The following PPP6R2 variants were observed in gnomAD, a reference collection of about 807,000 sequenced individuals.
PPP6R2 encodes protein phosphatase 6 regulatory subunit 2, also known as serine/threonine-protein phosphatase 6 regulatory subunit 2.
Under a neutral mutation model 100.2 loss-of-function variants are expected in PPP6R2, and 62 were observed. The ratio of observed to expected loss-of-function variants is 0.62; its 90% CI spans 0.50 to 0.76. PPP6R2 has a LOEUF of 0.76. PPP6R2 is among the 30% of genes least tolerant of loss of function. PPP6R2 has a pLI of 0.00. For missense variants in PPP6R2, 1,142 were observed against 1,276.3 expected (o/e 0.89, Z 1.60); for synonymous variants, 525 against 514.7 (o/e 1.02, Z -0.27).
the PPP6R2 span, among the ~76,000 whole-genome samples, chr22:50,332,708 C>T: frequency 2.1e-3 from 312 of 151,466 alleles, 2 homozygotes; most frequent in African/African-American, 7.4e-3. Context: ...ACTGCAGCCT[C>T]CACCTCTTGG....
chr22:50,362,475 G>A (rs933443679), intron 1 of PPP6R2, among the ~76,000 whole-genome samples: 9 of 152,142 alleles, frequency 5.9e-5, no homozygotes, highest in Admixed American at 2.0e-4. Flanking sequence ...TTCTCAGCCC[G>A]TCGCTGAGTC....
At chr22:50,360,773 A>T (rs2047636479) in intron 1 of PPP6R2, among the ~76,000 whole-genome samples, 1 of 152,070 alleles carries the variant, frequency 6.6e-6, no homozygotes. Context: ...TGAGCCAGGG[A>T]GCTGACCTGT....
At chr22:50,433,216 TGGA>T (rs1271257970) in intron 12 of PPP6R2, among the ~76,000 whole-genome samples, 1 of 150,480 alleles carries the variant, frequency 6.6e-6, no homozygotes, top group Non-Finnish European at 1.5e-5. Flanking sequence ...GAGGTGAACC[TGGA>T]GGAGGGCAGG....
At chr22:50,375,942 G>C (rs1009458614) in intron 2 of PPP6R2, among the ~76,000 whole-genome samples, 6 of 146,294 alleles carry the variant, frequency 4.1e-5, no homozygotes, top group African/African-American at 1.5e-4. Context: ...CCAGGTTGAA[G>C]CGATTCTCCT....
At chr22:50,430,844 A>T (rs1353520654) in intron 10 of PPP6R2, among the ~76,000 whole-genome samples, 1 of 146,492 alleles carries the variant, frequency 6.8e-6, no homozygotes, top group African/African-American at 2.5e-5. Flanking sequence ...ACTGCACTCT[A>T]GCCTGGGAGA....
At chr22:50,382,402 G>T (rs1024999682) in intron 2 of PPP6R2, among the ~76,000 whole-genome samples, 40 of 151,714 alleles carry the variant, frequency 2.6e-4, no homozygotes, top group East Asian at 7.7e-4. Flanking sequence ...TTCGAGACCA[G>T]CCTGACTAAC....
Position 50,438,234 on chromosome 22 carries a change from G to A in PPP6R2, c.1900G>A (p.Glu634Lys). The A allele has an allele frequency of 1.2e-6, 2 of 1,613,950 alleles. No individual in the cohort carries two copies. The highest frequency in any genetic ancestry group is 1.7e-6 in the Non-Finnish European group (2 of 1,179,980). Residue 634 changes from glutamate to lysine, a missense_variant, in exon 18 of 24, where the codon GAG (glutamate) becomes AAG (lysine). Coordinates refer to ENST00000612753, the MANE Select transcript of PPP6R2 (RefSeq NM_001242898.2). ...CCGCATCCAGCCCTTTGATGATGAT[G>A]AGGACGAGGACATCTGGGAGGACAG... ...SDRIQPFDDD[E>K]DEDIWEDSDT...
chr22:50,392,110 A>G (rs921486103), intron 2 of PPP6R2: 14 of 152,102 alleles, frequency 9.2e-5, no homozygotes, highest in African/African-American at 3.4e-4. Flanking sequence ...TTTAGGAATC[A>G]TTATTTCTGG....
chr22:50,337,238 GGTGT>G, the PPP6R2 span, among the ~76,000 whole-genome samples: 2 of 134,222 alleles, frequency 1.5e-5, no homozygotes, highest in Non-Finnish European at 3.1e-5. Context: ...GTGGTGTATT[GGTGT>G]GTGTGTGTGG....
chr22:50,393,813 C>T, intron 2 of PPP6R2, 80 bp from the exon 3 acceptor site: 1 of 1,577,224 alleles, frequency 6.3e-7, no homozygotes, highest in Non-Finnish European at 8.6e-7. Context: ...AGAGAAATGA[C>T]CCCTTTGGAC....
At chr22:50,399,186 G>T (rs1020575250) in intron 3 of PPP6R2, among the ~76,000 whole-genome samples, 1 of 152,196 alleles carries the variant, frequency 6.6e-6, no homozygotes, top group African/African-American at 2.4e-5. Context: ...GACACAGCAA[G>T]ACTGTCATCT....
intron 1 of PPP6R2, among the ~76,000 whole-genome samples, chr22:50,368,109 A>T (rs1413286034): frequency 6.6e-6 from 1 of 152,268 alleles, no homozygotes; most frequent in East Asian, 1.9e-4. Flanking sequence ...TAATTCTGCT[A>T]CTGCTATCTA....
chr22:50,357,112 C>G (rs528692876), intron 1 of PPP6R2, among the ~76,000 whole-genome samples: 3 of 152,170 alleles, frequency 2.0e-5, no homozygotes, highest in African/African-American at 7.2e-5. Context: ...TTGAGTTTGT[C>G]TGATGAATTA....
At chr22:50,377,309 G>C (rs560642000) in intron 2 of PPP6R2, among the ~76,000 whole-genome samples, 1 of 152,164 alleles carries the variant, frequency 6.6e-6, no homozygotes, top group Non-Finnish European at 1.5e-5. Flanking sequence ...TTTAAAATTA[G>C]CCAGGCGTGG....
At chr22:50,437,285 G>A (rs538500179) in intron 15 of PPP6R2, among the ~76,000 whole-genome samples, 98 of 152,372 alleles carry the variant, frequency 6.4e-4, no homozygotes, top group African/African-American at 2.2e-3. Flanking sequence ...GGACTCGAAA[G>A]TCAGAGAATA....
chr22:50,377,928 C>T (rs2051978079), intron 2 of PPP6R2, among the ~76,000 whole-genome samples: 1 of 152,046 alleles, frequency 6.6e-6, no homozygotes, highest in African/African-American at 2.4e-5. Context: ...AATTGCTTGA[C>T]CCCAGAAGGC....
intron 1 of PPP6R2, among the ~76,000 whole-genome samples, chr22:50,352,739 A>G (rs1170330661): frequency 7.7e-5 from 9 of 117,520 alleles, no homozygotes; most frequent in Non-Finnish European, 1.2e-4. Flanking sequence ...AAAAACAAAA[A>G]CAAAAAAAAA....
rs990074442 is a variant in PPP6R2 at position 50,372,424 on chromosome 22, C to T, written c.-17+274C>T. ...ATTAGCTGGGCATAGTGGTGTGTACCTGTAATCCCAGCTACTCAGGAGGCT... is the reference window on the plus strand; with the variant it reads ...ATTAGCTGGGCATAGTGGTGTGTACTTGTAATCCCAGCTACTCAGGAGGCT... On this transcript the variant is annotated intron_variant, in intron 2 of 23. Transcript: ENST00000612753. Among the ~76,000 whole-genome samples the T allele has an allele frequency of 3.9e-5, 6 of 151,926 alleles. No homozygotes were observed. In the South Asian group the frequency reaches 1.0e-3, roughly 26 times the overall value.
chr22:50,362,456 C>T (rs977398440), intron 1 of PPP6R2, among the ~76,000 whole-genome samples: 18 of 152,170 alleles, frequency 1.2e-4, no homozygotes, highest in Non-Finnish European at 1.6e-4. Flanking sequence ...TGTGCAGCGA[C>T]GTCAGCTCTT....
Sources: gnomAD v4.1 joint callset for allele counts (sites outside exome capture counted in the v4.1 genomes callset) on GRCh38, gnomAD v4.1.1 for gene constraint, MANE v1.5 for transcripts, NCBI Gene and HGNC (gene_info 2026-07-23, HGNC 2026-07-21) for gene names.